Variants in TEAD1 observed in about 807,000 individuals in gnomAD.
The protein encoded by TEAD1 is TEA domain transcription factor 1.
A neutral mutation model predicts 54.9 loss-of-function variants in TEAD1; 9 were observed. That is an observed-to-expected ratio of 0.16 (90% CI 0.10 to 0.29). The LOEUF (loss-of-function observed/expected upper bound fraction) is 0.29. Ranked by LOEUF, TEAD1 falls within the 10% of genes least tolerant of loss-of-function variation. The probability of loss-of-function intolerance (pLI) is 1.00; values close to 1 mark genes in which losing one functional copy is unlikely to be tolerated. For missense variants in TEAD1, 387 were observed against 535.9 expected (o/e 0.72, Z 2.74); for synonymous variants, 200 against 187.8 (o/e 1.07, Z -0.53).
chr11:12,808,243 T>C (rs1266014881), intron 3 of TEAD1, among the ~76,000 whole-genome samples: 3 of 107,500 alleles, frequency 2.8e-5, no homozygotes, highest in Non-Finnish European at 4.5e-5. Context: ...AGGGAAATTA[T>C]AGGTCATAGT....
Position 12,717,232 on chromosome 11 carries a change from A to G in TEAD1, c.-55+41671A>G, listed in dbSNP as rs1944084822. Among the ~76,000 whole-genome samples, 3 of 152,188 alleles carry G rather than the reference A, an allele frequency of 2.0e-5. No individual in the cohort carries two copies. In the South Asian group the frequency reaches 6.2e-4, roughly 32 times the overall value. On this transcript the variant is annotated intron_variant, in intron 2 of 12. Coordinates refer to ENST00000527636, the MANE Select transcript of TEAD1 (RefSeq NM_021961.6). ...GGCAGTTGTATGCCTCTGGTATGCTACTTTCTGCCTACAGTTGTGTGTGTG... is the reference window on the plus strand; with the variant it reads ...GGCAGTTGTATGCCTCTGGTATGCTGCTTTCTGCCTACAGTTGTGTGTGTG...
intron 3 of TEAD1, among the ~76,000 whole-genome samples, chr11:12,765,100 C>T (rs911447845): frequency 1.3e-5 from 2 of 151,994 alleles, no homozygotes; most frequent in African/African-American, 2.4e-5. Context: ...TGGGGGTTGC[C>T]TTGAAAGGCA....
chr11:12,824,762 G>T (rs1041890184), intron 3 of TEAD1, among the ~76,000 whole-genome samples: 11 of 152,130 alleles, frequency 7.2e-5, no homozygotes, highest in African/African-American at 2.7e-4. Context: ...TGAGTAGAAG[G>T]TAGAGAGGGT....
Position 12,943,315 on chromosome 11 carries a change from T to C in TEAD1, c.*6093T>C, listed in dbSNP as rs1251854773. ...GTGGAAGAAATTAGTCAAATGCTTG[T>C]TTTCCTGCTTCTCTTTTCAACTGTT... On this transcript the variant is annotated 3_prime_UTR_variant, in exon 13 of 13. Coordinates refer to ENST00000527636, the MANE Select transcript of TEAD1 (RefSeq NM_021961.6). The C allele has an allele frequency of 6.6e-6, 1 of 152,652 alleles. No individual in the cohort carries two copies. The highest frequency in any genetic ancestry group is 2.4e-5 in the African/African-American group (1 of 41,460). 9.5% of individuals were successfully genotyped at this position (152,652 alleles called of 1,614,324 possible). A position where few individuals can be genotyped will look rare whatever the true frequency, so the allele number is the denominator to read the frequency against.
chr11:12,817,716 A>G (rs1946444156), intron 3 of TEAD1, among the ~76,000 whole-genome samples: 1 of 152,208 alleles, frequency 6.6e-6, no homozygotes, highest in African/African-American at 2.4e-5. Context: ...GCTCCTTGCA[A>G]TGGGACCAAA....
intron 3 of TEAD1, among the ~76,000 whole-genome samples, chr11:12,765,823 G>A (rs1465630063): frequency 2.6e-5 from 4 of 152,186 alleles, no homozygotes; most frequent in Admixed American, 6.5e-5. Flanking sequence ...ATGGACTGGG[G>A]ATGAAATATC....
chr11:12,699,405 G>T (rs1046684630), intron 2 of TEAD1, among the ~76,000 whole-genome samples: 3 of 151,940 alleles, frequency 2.0e-5, no homozygotes, highest in African/African-American at 7.3e-5. Context: ...TACTGGAGTT[G>T]TATTACATTT....
intron 2 of TEAD1, among the ~76,000 whole-genome samples, chr11:12,711,447 A>G (rs1311325747): frequency 6.6e-6 from 1 of 152,214 alleles, no homozygotes; most frequent in Non-Finnish European, 1.5e-5. Context: ...TTAGCAGTTC[A>G]GCATCTCCCT....
At chr11:12,809,234 T>C (rs1031783547) in intron 3 of TEAD1, among the ~76,000 whole-genome samples, 6 of 152,154 alleles carry the variant, frequency 3.9e-5, no homozygotes, top group African/African-American at 1.2e-4. Context: ...CCACTCACAG[T>C]CTAGCTCTGA....
chr11:12,711,104 T>G (rs566299123), intron 2 of TEAD1, among the ~76,000 whole-genome samples: 29 of 152,148 alleles, frequency 1.9e-4, no homozygotes, highest in Non-Finnish European at 3.8e-4. Flanking sequence ...TGGGAAGAGA[T>G]ATGATTGGAC....
intron 10 of TEAD1, among the ~76,000 whole-genome samples, chr11:12,911,677 T>C (rs1011489630): frequency 7.5e-6 from 1 of 133,696 alleles, no homozygotes; most frequent in African/African-American, 2.8e-5. Context: ...GTTACATGAG[T>C]CTTTTTTTTT....
Position 12,880,917 on chromosome 11 carries a change from T to C in TEAD1, c.466-88T>C. ...CTGTTGGGTGATCGAACCTGCTGTC[T>C]TTTAGCAGGGGTTGTGATGCGTAGG... On this transcript the variant is annotated intron_variant, in intron 6 of 12. Coordinates refer to ENST00000527636, the MANE Select transcript of TEAD1 (RefSeq NM_021961.6). 1.2e-5 allele frequency: 18 copies of C among 1,457,652 alleles called. No homozygotes were observed. In the South Asian group the frequency reaches 1.7e-4, roughly 14 times the overall value. 90.3% of individuals were successfully genotyped at this position (1,457,652 alleles called of 1,614,324 possible).
chr11:12,823,948 G>C (rs1195436210), intron 3 of TEAD1, among the ~76,000 whole-genome samples: 1 of 152,150 alleles, frequency 6.6e-6, no homozygotes, highest in African/African-American at 2.4e-5. Flanking sequence ...CCCTACCCCA[G>C]GGAGACATTT....
chr11:12,885,947 T>C (rs1948079174), intron 9 of TEAD1, among the ~76,000 whole-genome samples: 1 of 152,174 alleles, frequency 6.6e-6, no homozygotes, highest in African/African-American at 2.4e-5. Context: ...GGGAGTATAA[T>C]GCCTAGCAGG....
At chr11:12,876,817 G>A (rs1165558159) in intron 5 of TEAD1, among the ~76,000 whole-genome samples, 1 of 152,192 alleles carries the variant, frequency 6.6e-6, no homozygotes, top group Non-Finnish European at 1.5e-5. Flanking sequence ...ATGTCAGGGT[G>A]ATGTTGATGG....
chr11:12,825,311 C>A (rs1006065193), intron 3 of TEAD1, among the ~76,000 whole-genome samples: 5 of 152,172 alleles, frequency 3.3e-5, no homozygotes, highest in African/African-American at 1.2e-4. Flanking sequence ...TGAATTGAGC[C>A]TGTACTAGAA....
At chr11:12,714,991 GAC>G (rs1167862613) in intron 2 of TEAD1, among the ~76,000 whole-genome samples, 1 of 152,116 alleles carries the variant, frequency 6.6e-6, no homozygotes, top group Non-Finnish European at 1.5e-5. Flanking sequence ...TTGAGGGGGA[GAC>G]ACAATTCAGC....
At chr11:12,910,119 C>T (rs1330646157) in intron 10 of TEAD1, among the ~76,000 whole-genome samples, 1 of 152,148 alleles carries the variant, frequency 6.6e-6, no homozygotes, top group Non-Finnish European at 1.5e-5. Flanking sequence ...ATGTCAACAG[C>T]CTTGGGAATT....
At chr11:12,802,139 C>T (rs1220842568) in intron 3 of TEAD1, among the ~76,000 whole-genome samples, 1 of 152,142 alleles carries the variant, frequency 6.6e-6, no homozygotes, top group African/African-American at 2.4e-5. Flanking sequence ...TCAAAGGTTA[C>T]CCATTCAGAA....
Sources: allele counts gnomAD v4.1 joint callset (sites outside exome capture counted in the v4.1 genomes callset), GRCh38; gene constraint gnomAD v4.1.1; transcripts MANE v1.5; gene names NCBI Gene and HGNC (gene_info 2026-07-23, HGNC 2026-07-21).